The following PAX9 variants were observed in gnomAD, a reference collection of about 807,000 sequenced individuals.
The protein encoded by PAX9 is paired box 9, also known as paired box protein Pax-9.
In PAX9, 6 loss-of-function variants were observed where a neutral mutation model predicts 29.1. That is an observed-to-expected ratio of 0.21 (90% CI 0.11 to 0.41). The LOEUF is 0.41. Among genes scored for constraint, PAX9 ranks in the 10% least tolerant of loss-of-function variants. The pLI is 1.00. For missense variants in PAX9, 443 were observed against 479.1 expected (o/e 0.92, Z 0.70); for synonymous variants, 217 against 211.7 (o/e 1.03, Z -0.22).
chr14:36,658,376 G>GA (rs1566461951), upstream of PAX9, among the ~76,000 whole-genome samples: 2 of 142,432 alleles, frequency 1.4e-5, no homozygotes, highest in African/African-American at 3.1e-5. Flanking sequence ...CCTCGCTTGG[G>GA]GGGGGGGGGT....
Position 36,662,031 on chromosome 14 carries a change from C to T in PAX9, c.-59C>T, listed in dbSNP as rs1881289473. 3 of 1,554,466 alleles carry T rather than the reference C, an allele frequency of 1.9e-6. No homozygotes were observed. Among genetic ancestry groups the T allele is most frequent in the East Asian group, 4.8e-5 (2 of 41,326 alleles). ...AACAGGCCGGGCCACTGAGGCGGTG[C>T]GGAAAGTTTCTGTCTGGGAGTGCGG... On this transcript the variant is annotated 5_prime_UTR_variant, in exon 1 of 4. Transcript: ENST00000361487.
At position 36,679,303 on chromosome 14, in the gene PAX9, T is replaced by C. The variant is rs539477713; in HGVS notation, c.*2851T>C. The C allele has an allele frequency of 5.1e-6, 5 of 974,566 alleles. No individual in the cohort carries two copies. Among genetic ancestry groups the C allele is most frequent in the African/African-American group, 3.5e-5 (2 of 57,074 alleles). 60.4% of individuals were successfully genotyped at this position (974,566 alleles called of 1,614,324 possible). On this transcript the variant is annotated 3_prime_UTR_variant, in exon 4 of 4. Coordinates refer to ENST00000361487, the MANE Select transcript of PAX9 (RefSeq NM_001372076.1). Reference sequence around the variant, plus strand: ...GAAGGCTATGTATGTATATACAGTATGTCAAAAGCCTTTTATTTTTATACT... The same window carrying C: ...GAAGGCTATGTATGTATATACAGTACGTCAAAAGCCTTTTATTTTTATACT...
intron 2 of PAX9, 146 bp from the exon 3 acceptor site, chr14:36,666,316 G>T (rs1383018546): frequency 3.0e-6 from 3 of 1,010,914 alleles, no homozygotes; most frequent in Non-Finnish European, 4.3e-6. Flanking sequence ...GGTCGCGGCT[G>T]GGCCCAGCGC....
intron 2 of PAX9, 151 bp downstream of exon 2, chr14:36,663,674 T>C (rs1881379979): frequency 1.0e-6 from 1 of 968,174 alleles, no homozygotes; most frequent in Non-Finnish European, 1.5e-6. Context: ...TAGGGGGTGT[T>C]CTGATCTCAT....
At chr14:36,659,074 G>A (rs1476622343), upstream of PAX9, among the ~76,000 whole-genome samples, 4 of 152,242 alleles carry the variant, frequency 2.6e-5, no homozygotes, top group African/African-American at 7.2e-5. Context: ...GACGCGGCTA[G>A]GGAAAGGCTT....
At chr14:36,662,176 G>A (rs2139106769) in intron 1 of PAX9, 83 bp downstream of exon 1, 1 of 1,269,768 alleles carries the variant, frequency 7.9e-7, no homozygotes, top group Non-Finnish European at 1.1e-6. Context: ...GGGAGGGAGC[G>A]CGAGGGCGCG....
At chr14:36,662,119 A>C in intron 1 of PAX9, 26 bp downstream of exon 1, 1 of 1,239,830 alleles carries the variant, frequency 8.1e-7, no homozygotes, top group Non-Finnish European at 1.1e-6. Flanking sequence ...GGACTCTGTC[A>C]GAGCCGGGAA....
chr14:36,665,457 C>G (rs17104902), intron 2 of PAX9, among the ~76,000 whole-genome samples: 5,628 of 152,196 alleles, frequency 0.037, 373 homozygotes, highest in African/African-American at 0.13. Context: ...CAAACCACTC[C>G]TCCACCCATA....
chr14:36,665,322 G>C (rs556123542), intron 2 of PAX9, among the ~76,000 whole-genome samples: 88 of 152,256 alleles, frequency 5.8e-4, no homozygotes, highest in Middle Eastern at 3.4e-3. Flanking sequence ...TTGGATGCCA[G>C]CTTTAAACAA....
chr14:36,669,285 T>G (rs1881622818), intron 3 of PAX9, among the ~76,000 whole-genome samples: 2 of 152,192 alleles, frequency 1.3e-5, no homozygotes. Context: ...CCCATATATG[T>G]GCATTTCTCT....
At chr14:36,668,247 CAG>C (rs1881576636) in intron 3 of PAX9, among the ~76,000 whole-genome samples, 1 of 152,082 alleles carries the variant, frequency 6.6e-6, no homozygotes, top group African/African-American at 2.4e-5. Context: ...AATAGGCGCT[CAG>C]TGCTTTTTAT....
rs778437280 is a variant in PAX9, at chr14:36,663,076, G to C, written c.184G>C (p.Glu62Gln). 4 of 1,613,930 alleles carry C rather than the reference G, an allele frequency of 2.5e-6. No individual in the cohort carries two copies. In the South Asian group the frequency reaches 4.4e-5, roughly 18 times the overall value. Residue 62 changes from glutamate (E) to glutamine (Q), a missense_variant, in exon 2 of 4, where the codon GAG (glutamate) becomes CAG (glutamine). Coordinates refer to ENST00000361487, the MANE Select transcript of PAX9 (RefSeq NM_001372076.1). Reference protein sequence around the residue: ...CVSKILARYNETGSILPGAIG... With the variant: ...CVSKILARYNQTGSILPGAIG... ...CAGCAAGATCCTGGCGCGATACAAC[G>C]AGACGGGCTCGATCTTGCCAGGAGC... is the stretch of plus-strand genomic sequence containing the variant.
chr14:36,671,001 A>G, intron 3 of PAX9: 1 of 418,206 alleles, frequency 2.4e-6, no homozygotes, highest in Non-Finnish European at 4.7e-6. Flanking sequence ...TGGAAGAATG[A>G]CAGAAAAATG....
chr14:36,662,790 G>A (rs745666529), intron 1 of PAX9, 107 bp from the exon 2 acceptor site: 168 of 1,377,470 alleles, frequency 1.2e-4, no homozygotes, highest in Middle Eastern at 6.7e-4. Context: ...AGTTAGTAGG[G>A]GACGGGTGCG....
Position 36,672,852 on chromosome 14 carries a change from C to CTTTTTTTTTTTTTTTT in PAX9, c.772-3331_772-3316dup. On this transcript the variant is annotated intron_variant, in intron 3 of 3. Coordinates refer to ENST00000361487, the MANE Select transcript of PAX9 (RefSeq NM_001372076.1). ...TTCTTTTTTCTTTCTTTCTTTCTTC[C>CTTTTTTTTTTTTTTTT]TTTTTTTTTTTTTTTTTTTTTTTTT... 5.4e-3 allele frequency among the ~76,000 whole-genome samples: 103 copies of CTTTTTTTTTTTTTTTT among 19,160 alleles called. 40 individuals carry two copies. Among genetic ancestry groups the CTTTTTTTTTTTTTTTT allele is most frequent in the East Asian group, 0.025 (10 of 408 alleles). 12.6% of individuals were successfully genotyped at this position (19,160 alleles called of 152,430 possible). A position where few individuals can be genotyped will look rare whatever the true frequency, so the allele number is the denominator to read the frequency against.
At position 36,676,514 on chromosome 14, in the gene PAX9, A is replaced by G. The variant is rs1881899115; in HGVS notation, c.*62A>G. ...CCCTGTCTCAGCACCTCCTCCCCCA[A>G]TTCCCAGGTCTCACATCCCACCCCT... On this transcript the variant is annotated 3_prime_UTR_variant, in exon 4 of 4. Transcript: ENST00000361487. The G allele has an allele frequency of 1.9e-6, 3 of 1,588,130 alleles. No individual in the cohort carries two copies. The highest frequency in any genetic ancestry group is 2.2e-5 in the East Asian group (1 of 44,590).
In PAX9 at chr14:36,663,133, C is replaced by T. The variant is rs1363313388; in HGVS notation, c.241C>T (p.Pro81Ser). The part of the protein sequence containing the change: ...IGGSKPRVTT[P>S]TVVKHIRTYK... ...GGGCAGCAAGCCCCGGGTCACTACC[C>T]CCACCGTGGTGAAACACATCCGGAC... is the stretch of plus-strand genomic sequence containing the variant. The change falls in exon 2 of 4, where the codon CCC becomes TCC. Residue 81 changes from proline to serine, a missense_variant. By Grantham distance (74) the Pro-to-Ser change is moderately conservative. Transcript: ENST00000361487. 1.2e-6 allele frequency: 2 copies of T among 1,614,026 alleles called. No homozygotes were observed. The highest frequency in any genetic ancestry group is 1.7e-6 in the Non-Finnish European group (2 of 1,180,044).
intron 2 of PAX9, among the ~76,000 whole-genome samples, chr14:36,665,266 G>A (rs921198624): frequency 6.6e-6 from 1 of 151,558 alleles, no homozygotes; most frequent in Non-Finnish European, 1.5e-5. Flanking sequence ...GGAAAGTATT[G>A]GAGAATGGAA....
chr14:36,659,340 C>G (rs1881166579), upstream of PAX9, among the ~76,000 whole-genome samples: 1 of 152,170 alleles, frequency 6.6e-6, no homozygotes, highest in Non-Finnish European at 1.5e-5. Flanking sequence ...TGCCTCAGAT[C>G]CGTCGTCTCT....
Sources: gnomAD v4.1 joint callset for allele counts (sites outside exome capture counted in the v4.1 genomes callset) on GRCh38, gnomAD v4.1.1 for gene constraint, MANE v1.5 for transcripts, NCBI Gene and HGNC (gene_info 2026-07-23, HGNC 2026-07-21) for gene names.